KIAA1217: variants seen among roughly 807,000 people sequenced by gnomAD.
KIAA1217 encodes the protein KIAA1217.
Under a neutral mutation model 163.9 loss-of-function variants are expected in KIAA1217, and 88 were observed. The ratio of observed to expected loss-of-function variants is 0.54; its 90% CI spans 0.45 to 0.64. The LOEUF is 0.64. KIAA1217 is among the 30% of genes least tolerant of loss of function. KIAA1217 has a pLI of 0.00. For missense variants in KIAA1217, 2,372 were observed against 2,475.0 expected, an observed-to-expected ratio of 0.96 and a Z score of 0.88; for synonymous variants, 903 against 923.1, an observed-to-expected ratio of 0.98 and a Z score of 0.39.
intron 2 of KIAA1217, among the ~76,000 whole-genome samples, chr10:24,262,241 C>T (rs1297256043): frequency 6.6e-6 from 1 of 152,032 alleles, no homozygotes; most frequent in Non-Finnish European, 1.5e-5. Flanking sequence ...CTGATCAAGT[C>T]CTAGGAGTCT....
At chr10:23,732,425 G>A (rs886505244) in intron 1 of KIAA1217, among the ~76,000 whole-genome samples, 1 of 152,026 alleles carries the variant, frequency 6.6e-6, no homozygotes, top group African/African-American at 2.4e-5. Context: ...GTTTTAAATT[G>A]TATAACAACT....
At chr10:24,170,531 C>T (rs1255763420) in intron 2 of KIAA1217, among the ~76,000 whole-genome samples, 1 of 151,086 alleles carries the variant, frequency 6.6e-6, no homozygotes, top group East Asian at 1.9e-4. Context: ...GACAACACCC[C>T]ACTACGAAGG....
chr10:23,874,636 T>TA (rs1840601108), intron 1 of KIAA1217, among the ~76,000 whole-genome samples: 1 of 152,038 alleles, frequency 6.6e-6, no homozygotes, highest in African/African-American at 2.4e-5. Context: ...AGTTCTTTTT[T>TA]AAACCACCTG....
intron 2 of KIAA1217, among the ~76,000 whole-genome samples, chr10:24,144,936 C>T (rs1191938605): frequency 6.6e-6 from 1 of 152,148 alleles, no homozygotes; most frequent in Non-Finnish European, 1.5e-5. Flanking sequence ...CAATCCTAGA[C>T]AAAGAGTTAT....
Position 23,813,818 on chromosome 10 carries a change from C to T in KIAA1217, c.-321+118584C>T, listed in dbSNP as rs115203419. On this transcript the variant is annotated intron_variant, in intron 1 of 18. Transcript: ENST00000376462. ...CATGCAAATTGTTTTCCAGAAAGTGCGTCAGTTCACACTCTTCTAGTAAGT... is the reference window on the plus strand; with the variant it reads ...CATGCAAATTGTTTTCCAGAAAGTGTGTCAGTTCACACTCTTCTAGTAAGT... Among the ~76,000 whole-genome samples the T allele has an allele frequency of 7.0e-3, 1,061 of 152,194 alleles. 7 individuals carry two copies. The highest frequency in any genetic ancestry group is 0.024 in the African/African-American group (979 of 41,528).
intron 2 of KIAA1217, among the ~76,000 whole-genome samples, chr10:24,012,741 T>C (rs1222445479): frequency 6.6e-6 from 1 of 152,166 alleles, no homozygotes; most frequent in Admixed American, 6.6e-5. Context: ...AGAAGTACCC[T>C]GTAGAGACAA....
chr10:23,762,727 T>A (rs1219391670), intron 1 of KIAA1217, among the ~76,000 whole-genome samples: 1 of 152,186 alleles, frequency 6.6e-6, no homozygotes, highest in African/African-American at 2.4e-5. Context: ...ATACTCTCTC[T>A]CACCACTCCT....
intron 1 of KIAA1217, among the ~76,000 whole-genome samples, chr10:23,769,527 T>C (rs900317665): frequency 6.6e-6 from 1 of 152,204 alleles, no homozygotes; most frequent in African/African-American, 2.4e-5. Flanking sequence ...GGGTTTGTTT[T>C]GGGAAAGGGC....
chr10:23,820,107 G>T (rs944348004), intron 1 of KIAA1217, among the ~76,000 whole-genome samples: 1 of 152,092 alleles, frequency 6.6e-6, no homozygotes, highest in African/African-American at 2.4e-5. Context: ...GTGTGTATTG[G>T]GGGGAGGACC....
chr10:23,870,471 C>T (rs1174516673), intron 1 of KIAA1217, among the ~76,000 whole-genome samples: 1 of 152,046 alleles, frequency 6.6e-6, no homozygotes, highest in African/African-American at 2.4e-5. Context: ...ACCAAACACA[C>T]ACACTTCAAG....
At chr10:24,466,659 G>A (rs1001365172) in intron 5 of KIAA1217, 1 of 985,304 alleles carries the variant, frequency 1.0e-6, no homozygotes, top group Admixed American at 6.2e-5. Flanking sequence ...TGAAGAGGAA[G>A]CTGTCTAAAA....
chr10:24,497,061 G>A (rs982410658), intron 8 of KIAA1217, among the ~76,000 whole-genome samples: 6 of 152,312 alleles, frequency 3.9e-5, no homozygotes, highest in East Asian at 1.9e-4. Context: ...GCGAGATATC[G>A]TCCACAGGGG....
intron 2 of KIAA1217, among the ~76,000 whole-genome samples, chr10:24,096,139 T>C (rs558790613): frequency 2.6e-5 from 4 of 152,260 alleles, no homozygotes; most frequent in East Asian, 1.9e-4. Flanking sequence ...TATTCTAAAC[T>C]CAGCATCAAC....
intron 5 of KIAA1217, among the ~76,000 whole-genome samples, chr10:24,452,679 CAA>C (rs1331069997): frequency 3.6e-3 from 232 of 64,090 alleles, no homozygotes; most frequent in African/African-American, 0.01. Context: ...AAGACTGTCT[CAA>C]AAAAAAAAAA....
chr10:24,121,128 G>A (rs560908708), intron 2 of KIAA1217, among the ~76,000 whole-genome samples: 171 of 152,168 alleles, frequency 1.1e-3, no homozygotes, highest in Non-Finnish European at 2.1e-3. Flanking sequence ...CAGCTGTCTA[G>A]CTTCCAAGGC....
At chr10:24,488,868 T>C (rs1281888414) in intron 6 of KIAA1217, among the ~76,000 whole-genome samples, 1 of 152,196 alleles carries the variant, frequency 6.6e-6, no homozygotes, top group Non-Finnish European at 1.5e-5. Context: ...TCAGGTAGAT[T>C]GCTCCTAGAA....
chr10:23,835,061 G>A (rs1207134887), intron 1 of KIAA1217, among the ~76,000 whole-genome samples: 1 of 152,006 alleles, frequency 6.6e-6, no homozygotes, highest in East Asian at 1.9e-4. Context: ...TTGGGCCATG[G>A]GACTGAATGA....
rs79621006 is a variant in KIAA1217 at position 24,369,951 on chromosome 10, T to C, written c.355-10918T>C. On this transcript the variant is annotated intron_variant, in intron 2 of 20. Coordinates refer to ENST00000376454, the MANE Select transcript of KIAA1217 (RefSeq NM_019590.5). ...AGAAAGAATAAATTAATTGTTGTAT[T>C]CAAGGCAACTTGCAATAAAAAGACA... Among the ~76,000 whole-genome samples the C allele has an allele frequency of 5.0e-3, 756 of 152,314 alleles. 7 individuals carry two copies. The highest frequency in any genetic ancestry group is 0.017 in the African/African-American group (702 of 41,572).
chr10:23,923,144 C>G lies in KIAA1217; in HGVS notation c.-320-84081C>G, dbSNP rs556669620. On this transcript the variant is annotated intron_variant, in intron 1 of 18. Transcript: ENST00000376462. ...AAAGTCCATTGTATCATTCTTATGC[C>G]TTTGCATCCTCATAGCATAGCTCCC... Among the ~76,000 whole-genome samples, 12 of 152,246 alleles carry G rather than the reference C, an allele frequency of 7.9e-5. No homozygotes were observed. In the East Asian group the frequency reaches 2.3e-3, roughly 29 times the overall value.
Sources: allele counts gnomAD v4.1 joint callset (sites outside exome capture counted in the v4.1 genomes callset), GRCh38; gene constraint gnomAD v4.1.1; transcripts MANE v1.5; gene names NCBI Gene and HGNC (gene_info 2026-07-23, HGNC 2026-07-21).